Variants in DISC1 observed in about 807,000 individuals in gnomAD.
The protein encoded by DISC1 is disrupted in schizophrenia 1 protein.
Under a neutral mutation model 84.5 loss-of-function variants are expected in DISC1, and 57 were observed. That is an observed-to-expected ratio of 0.67 (90% confidence interval 0.55 to 0.84). The LOEUF (loss-of-function observed/expected upper bound fraction) is 0.84. Ranked by LOEUF, DISC1 falls within the 40% of genes least tolerant of loss-of-function variation. The pLI is 0.00. For synonymous variants in DISC1, 411 were observed against 415.2 expected (o/e 0.99, Z 0.12); for missense variants, 1,000 against 1,057.8 (o/e 0.95, Z 0.76).
At chr1:231,644,455 C>T (rs1213540765) in intron 1 of DISC1, among the ~76,000 whole-genome samples, 1 of 152,120 alleles carries the variant, frequency 6.6e-6, no homozygotes, top group Non-Finnish European at 1.5e-5. Flanking sequence ...TGGTGGGAGA[C>T]CAGTAAGACG....
chr1:231,971,602 T>C (rs12759583), intron 10 of DISC1, among the ~76,000 whole-genome samples: 44 of 152,202 alleles, frequency 2.9e-4, no homozygotes, highest in Non-Finnish European at 5.7e-4. Context: ...GAACATTAGT[T>C]ACAAGGGAGC....
rs1272322394 is a variant in DISC1 at position 231,694,506 on chromosome 1, G to T, written c.748G>T (p.Ala250Ser). The change falls in exon 2 of 13, where the codon GCC becomes TCC. Residue 250 changes from alanine to serine, a missense_variant. This residue lies in a region of DISC1 where 311 missense variants were observed against 400.1 expected (regional missense o/e 0.78). Transcript: ENST00000439617. The stretch of plus-strand genomic sequence containing the variant: ...CCCCCAGGAGATGGGAGCCAAAGCT[G>T]CCAGCTTGGACGGGCCTCACGAGGA... ...QSPQEMGAKA[A>S]SLDGPHEDPR... The T allele has an allele frequency of 6.2e-7, 1 of 1,614,268 alleles. No homozygotes were observed. Among genetic ancestry groups the T allele is most frequent in the Non-Finnish European group, 8.5e-7 (1 of 1,180,048 alleles).
chr1:231,820,968 G>A (rs115481138), intron 9 of DISC1, among the ~76,000 whole-genome samples: 2 of 152,264 alleles, frequency 1.3e-5, no homozygotes, highest in African/African-American at 2.4e-5. Context: ...GATGTGAAGT[G>A]TATCTCTAAT....
At chr1:231,776,886 G>A (rs569531816) in intron 6 of DISC1, among the ~76,000 whole-genome samples, 6 of 152,294 alleles carry the variant, frequency 3.9e-5, no homozygotes, top group African/African-American at 9.6e-5. Context: ...AGAGGGTTGC[G>A]TGGAAGCAGC....
intron 4 of DISC1, among the ~76,000 whole-genome samples, chr1:231,757,008 C>G (rs2075208049): frequency 6.6e-6 from 1 of 152,132 alleles, no homozygotes; most frequent in South Asian, 2.1e-4. Context: ...GCTCACACAG[C>G]CCAGAGCCTG....
At chr1:232,023,474 C>A (rs1244413936) in intron 11 of DISC1, among the ~76,000 whole-genome samples, 1 of 152,002 alleles carries the variant, frequency 6.6e-6, no homozygotes, top group African/African-American at 2.4e-5. Flanking sequence ...CAAATTATTT[C>A]TTTTTGATAG....
intron 12 of DISC1, among the ~76,000 whole-genome samples, chr1:232,032,528 G>A (rs144752315): frequency 7.5e-4 from 114 of 152,248 alleles, no homozygotes; most frequent in African/African-American, 2.7e-3. Context: ...AATGGCCTTG[G>A]GTTCCAAAGG....
At chr1:231,817,765 A>AT (rs1295128657) in intron 8 of DISC1, among the ~76,000 whole-genome samples, 2 of 152,100 alleles carry the variant, frequency 1.3e-5, no homozygotes, top group African/African-American at 4.8e-5. Context: ...TTTATCATAT[A>AT]TTTTTCTCAG....
In DISC1 at chr1:231,917,329, C is replaced by G. The variant is rs535100651; in HGVS notation, c.1982-41499C>G. 2.6e-5 allele frequency among the ~76,000 whole-genome samples: 4 copies of G among 152,294 alleles called. No individual in the cohort carries two copies. In the East Asian group the frequency reaches 7.7e-4, roughly 29 times the overall value. On this transcript the variant is annotated intron_variant, in intron 9 of 12. Transcript: ENST00000439617. ...TCAAATTTGAGGAGTGTATTTCATT[C>G]TCGCCGAATGCATTATATCTTACTT...
At chr1:231,645,273 G>A (rs200757110) in intron 1 of DISC1, among the ~76,000 whole-genome samples, 3 of 152,060 alleles carry the variant, frequency 2.0e-5, no homozygotes, top group Non-Finnish European at 2.9e-5. Flanking sequence ...TAGACACACC[G>A]GTCATCATGC....
chr1:231,880,505 A>G (rs1423433872), intron 9 of DISC1, among the ~76,000 whole-genome samples: 1 of 152,140 alleles, frequency 6.6e-6, no homozygotes, highest in African/African-American at 2.4e-5. Flanking sequence ...TCTTGATTTT[A>G]TTTCAAGTTA....
intron 9 of DISC1, among the ~76,000 whole-genome samples, chr1:231,822,785 C>T (rs1011582089): frequency 1.3e-5 from 2 of 152,154 alleles, no homozygotes; most frequent in Non-Finnish European, 2.9e-5. Flanking sequence ...GGGCCTCAGG[C>T]TGCTTCCACT....
intron 1 of DISC1, among the ~76,000 whole-genome samples, chr1:231,662,511 C>T (rs570140186): frequency 1.2e-4 from 19 of 152,188 alleles, no homozygotes; most frequent in East Asian, 1.2e-3. Flanking sequence ...TCCCACTTAA[C>T]GAAGCAATCT....
At chr1:232,036,099 A>G (rs1025679798) in intron 12 of DISC1, among the ~76,000 whole-genome samples, 6 of 152,216 alleles carry the variant, frequency 3.9e-5, no homozygotes, top group Admixed American at 3.3e-4. Context: ...ATACTAACAG[A>G]TAACAGCAGG....
At chr1:231,930,436 T>G (rs1405098298) in intron 9 of DISC1, among the ~76,000 whole-genome samples, 1 of 152,188 alleles carries the variant, frequency 6.6e-6, no homozygotes, top group African/African-American at 2.4e-5. Context: ...TTACCCTAAC[T>G]GTGAGAGGTG....
chr1:231,754,692 C>T (rs568970367), intron 4 of DISC1, among the ~76,000 whole-genome samples: 1 of 152,300 alleles, frequency 6.6e-6, no homozygotes, highest in African/African-American at 2.4e-5. Context: ...ATATGATTAA[C>T]TAAAAGCCAG....
chr1:231,978,794 C>T (rs1466985636), intron 10 of DISC1, among the ~76,000 whole-genome samples: 1 of 152,154 alleles, frequency 6.6e-6, no homozygotes, highest in Non-Finnish European at 1.5e-5. Flanking sequence ...AATATCAAAT[C>T]AGTGTTTACT....
intron 6 of DISC1, among the ~76,000 whole-genome samples, chr1:231,787,391 G>A (rs147515732): frequency 5.9e-5 from 9 of 151,860 alleles, no homozygotes; most frequent in African/African-American, 2.2e-4. Context: ...AGAGAGAGAG[G>A]GAAAGAGAGA....
chr1:231,937,661 G>A (rs923227912), intron 9 of DISC1, among the ~76,000 whole-genome samples: 2 of 152,182 alleles, frequency 1.3e-5, no homozygotes, highest in East Asian at 1.9e-4. Context: ...TGGATGGGGG[G>A]ATGTCCAGGC....
Sources: gnomAD v4.1 joint callset for allele counts (sites outside exome capture counted in the v4.1 genomes callset) on GRCh38, gnomAD v4.1.1 for gene constraint, gnomAD v4.1.1 regional missense constraint, MANE v1.5 for transcripts, NCBI Gene and HGNC (gene_info 2026-07-23, HGNC 2026-07-21) for gene names.